Variants in ME3 observed in about 807,000 individuals in gnomAD.
ME3 encodes NADP-dependent malic enzyme, mitochondrial.
In ME3, 48 loss-of-function variants were observed where a neutral mutation model predicts 68.9. That is an observed-to-expected ratio of 0.70 (90% CI 0.55 to 0.89). The LOEUF is 0.89. ME3 is among the 40% of genes least tolerant of loss of function. ME3 has a pLI of 0.00. For synonymous variants in ME3, 320 were observed against 318.8 expected, an observed-to-expected ratio of 1.00 and a Z score of -0.04; for missense variants, 675 against 797.4, an observed-to-expected ratio of 0.85 and a Z score of 1.85.
At chr11:86,633,812 T>TG (rs1449728304) in intron 2 of ME3, among the ~76,000 whole-genome samples, 1 of 152,132 alleles carries the variant, frequency 6.6e-6, no homozygotes, top group African/African-American at 2.4e-5. Context: ...TGGGGTCATT[T>TG]GGGGAGGTTA....
At chr11:86,466,227 T>C (rs1439822723) in intron 7 of ME3, among the ~76,000 whole-genome samples, 1 of 152,226 alleles carries the variant, frequency 6.6e-6, no homozygotes, top group Non-Finnish European at 1.5e-5. Flanking sequence ...TCTTGCTCTT[T>C]GATGCTGGTG....
the ME3 span, chr11:86,434,993 C>G: frequency 6.6e-6 from 1 of 152,116 alleles, no homozygotes; most frequent in Non-Finnish European, 1.5e-5. Flanking sequence ...AGACAAAAAT[C>G]AAGATTTTGC....
At chr11:86,648,682 C>T (rs1162278413) in intron 2 of ME3, among the ~76,000 whole-genome samples, 1 of 152,060 alleles carries the variant, frequency 6.6e-6, no homozygotes, top group Non-Finnish European at 1.5e-5. Context: ...ATACAAACTA[C>T]CATCAGAGAA....
chr11:86,442,994 A>G, intron 13 of ME3, 75 bp from the exon 14 acceptor site: 1 of 1,166,902 alleles, frequency 8.6e-7, no homozygotes, highest in Non-Finnish European at 1.3e-6. Flanking sequence ...CCGTTACCCC[A>G]GAGACTCACC....
At chr11:86,558,351 G>A (rs1186659833) in intron 3 of ME3, among the ~76,000 whole-genome samples, 1 of 152,126 alleles carries the variant, frequency 6.6e-6, no homozygotes, top group African/African-American at 2.4e-5. Context: ...GACTTAGCTA[G>A]ACCCAATCAG....
chr11:86,650,115 G>C (rs546358556), intron 2 of ME3, among the ~76,000 whole-genome samples: 2 of 152,212 alleles, frequency 1.3e-5, no homozygotes, highest in South Asian at 4.2e-4. Flanking sequence ...CAGATATATA[G>C]ACTAATGGAA....
In ME3 at chr11:86,648,775, A is replaced by G. The variant is rs765203707; in HGVS notation, c.183+22987T>C. On this transcript the variant is annotated intron_variant, in intron 2 of 14. Coordinates refer to ENST00000543262, the Ensembl canonical transcript of ME3. ...CCTGGACACATACACCCTCCCAAGA[A>G]GACAAATCAATGATTAGACCAATAA... 1.1e-4 allele frequency among the ~76,000 whole-genome samples: 16 copies of G among 151,352 alleles called. No individual in the cohort carries two copies. In the South Asian group the frequency reaches 1.2e-3, roughly 12 times the overall value.
chr11:86,507,243 G>A (rs938282835), intron 5 of ME3, among the ~76,000 whole-genome samples: 3 of 152,168 alleles, frequency 2.0e-5, no homozygotes, highest in Admixed American at 6.5e-5. Context: ...AGAGAGAGAG[G>A]CCATGGTTCT....
At chr11:86,506,776 TGTGA>T (rs1953109220) in intron 5 of ME3, among the ~76,000 whole-genome samples, 1 of 152,174 alleles carries the variant, frequency 6.6e-6, no homozygotes, top group Non-Finnish European at 1.5e-5. Context: ...TGTCCAGGAA[TGTGA>T]GTGAAAGAGA....
chr11:86,504,407 T>TTTTTTTTTTTTTTTA lies in ME3; in HGVS notation c.543+4384_543+4385insTAAAAAAAAAAAAAA, dbSNP rs1491166256. Among the ~76,000 whole-genome samples, 5 of 125,522 alleles carry TTTTTTTTTTTTTTTA rather than the reference T, an allele frequency of 4.0e-5. 1 individual carries two copies. The highest frequency in any genetic ancestry group is 1.6e-4 in the African/African-American group (5 of 30,860). 82.3% of individuals were successfully genotyped at this position (125,522 alleles called of 152,430 possible). On this transcript the variant is annotated intron_variant, in intron 5 of 14. Transcript: ENST00000543262. ...TTTTTTTTTTTTTTTTTTTTTTTTT[T>TTTTTTTTTTTTTTTA]GAGACAGAGTCTCACTACTCTCTCC...
At chr11:86,515,933 A>C (rs1049310450) in intron 4 of ME3, among the ~76,000 whole-genome samples, 9 of 152,160 alleles carry the variant, frequency 5.9e-5, no homozygotes, top group South Asian at 4.1e-4. Context: ...AAACATTTCC[A>C]GCTTTTGAGC....
At chr11:86,566,668 G>A (rs1207454465) in intron 2 of ME3, among the ~76,000 whole-genome samples, 1 of 152,190 alleles carries the variant, frequency 6.6e-6, no homozygotes, top group Admixed American at 6.5e-5. Context: ...CTAAGCAAGA[G>A]AGGTTACATA....
chr11:86,547,780 C>T (rs1028344814), intron 4 of ME3, among the ~76,000 whole-genome samples: 10 of 152,178 alleles, frequency 6.6e-5, no homozygotes, highest in African/African-American at 2.4e-4. Context: ...GTCCACTCAA[C>T]TCCTGCTTAT....
At chr11:86,534,534 G>A (rs567693559) in intron 4 of ME3, among the ~76,000 whole-genome samples, 4 of 152,184 alleles carry the variant, frequency 2.6e-5, no homozygotes, top group Admixed American at 1.3e-4. Context: ...AATTAGTGGG[G>A]CAGGGTGGCG....
intron 13 of ME3, 75 bp downstream of exon 13, chr11:86,446,239 A>G: frequency 6.6e-7 from 1 of 1,526,304 alleles, no homozygotes; most frequent in Admixed American, 1.7e-5. Context: ...AAGAGATAAG[A>G]GAGATCTGGT....
At chr11:86,564,329 A>C (rs1179164580) in intron 2 of ME3, among the ~76,000 whole-genome samples, 2 of 152,178 alleles carry the variant, frequency 1.3e-5, no homozygotes, top group East Asian at 3.8e-4. Flanking sequence ...AATCACTATC[A>C]AAATTTTAAT....
At chr11:86,511,151 A>C (rs1467630065) in intron 4 of ME3, among the ~76,000 whole-genome samples, 1 of 152,224 alleles carries the variant, frequency 6.6e-6, no homozygotes, top group Non-Finnish European at 1.5e-5. Flanking sequence ...GAAGTGCTGC[A>C]ATAATCTTGT....
intron 2 of ME3, among the ~76,000 whole-genome samples, chr11:86,577,471 C>T (rs1050782214): frequency 3.3e-5 from 5 of 152,168 alleles, no homozygotes. Context: ...TGTCGGGGGC[C>T]TCTTCTGTTC....
chr11:86,521,417 ACAAAACAAAAC>A (rs1565893913), intron 4 of ME3, among the ~76,000 whole-genome samples: 1,423 of 122,922 alleles, frequency 0.012, 25 homozygotes, highest in African/African-American at 0.021. Flanking sequence ...ACAAAACAAA[ACAAAACAAAAC>A]AAAAATAATA....
Sources: allele counts gnomAD v4.1 joint callset (sites outside exome capture counted in the v4.1 genomes callset), GRCh38; gene constraint gnomAD v4.1.1; transcripts MANE v1.5; gene names NCBI Gene and HGNC (gene_info 2026-07-23, HGNC 2026-07-21).